The following KRT39 variants were observed in gnomAD, a reference collection of about 807,000 sequenced individuals.
The protein encoded by KRT39 is keratin, type I cytoskeletal 39.
A neutral mutation model predicts 54.8 loss-of-function variants in KRT39; 47 were observed. The observed-to-expected ratio is 0.86, with a 90% CI of 0.68 to 1.09. The LOEUF is 1.09. Ranked by LOEUF, KRT39 falls within the 50% of genes least tolerant of loss-of-function variation. KRT39 has a pLI of 0.00. For synonymous variants in KRT39, 207 were observed against 227.9 expected, an observed-to-expected ratio of 0.91 and a Z score of 0.83; for missense variants, 580 against 598.5, an observed-to-expected ratio of 0.97 and a Z score of 0.32.
At chr17:40,962,843 A>C (rs1911211592) in intron 3 of KRT39, among the ~76,000 whole-genome samples, 1 of 152,204 alleles carries the variant, frequency 6.6e-6, no homozygotes, top group Non-Finnish European at 1.5e-5. Context: ...TAATGGGTGA[A>C]ACAGGATAAA....
chr17:40,958,687 T>C lies in KRT39; in HGVS notation c.1390A>G (p.Ile464Val). Reference sequence around the variant, plus strand: ...TTCCCATCCTTAATCTCCTTGGTGATGGTGCAAATTTTAACCAGTATCCGG... The same window carrying C: ...TTCCCATCCTTAATCTCCTTGGTGACGGTGCAAATTTTAACCAGTATCCGG... ...LSRILVKICTITKEIKDGKVI... is the reference protein window; with the variant it reads ...LSRILVKICTVTKEIKDGKVI... Residue 464 changes from isoleucine (I) to valine (V), a missense_variant, in exon 7 of 7, where the codon ATC becomes GTC. By Grantham distance (29) the Ile-to-Val change is conservative. Transcript: ENST00000355612. The C allele has an allele frequency of 7.4e-6, 12 of 1,614,124 alleles. No individual in the cohort carries two copies. Among genetic ancestry groups the C allele is most frequent in the Non-Finnish European group, 9.3e-6 (11 of 1,180,004 alleles).
chr17:40,964,101 G>A (rs1259340913), intron 2 of KRT39: 3 of 414,496 alleles, frequency 7.2e-6, no homozygotes, highest in East Asian at 3.6e-5. Context: ...TCCAAGTTTC[G>A]GTTTTGACTT....
chr17:40,960,346 G>C lies in KRT39; in HGVS notation c.1152C>G (p.Asp384Glu). 3 of 1,614,040 alleles carry C rather than the reference G, an allele frequency of 1.9e-6. No individual in the cohort carries two copies. Among genetic ancestry groups the C allele is most frequent in the South Asian group, 2.2e-5 (2 of 91,060 alleles). The change falls in exon 6 of 7, where the codon GAC becomes GAG. Residue 384 changes from aspartate to glutamate, a missense_variant. Physicochemically the swap from Asp to Glu is conservative, Grantham distance 45. Coordinates refer to ENST00000355612, the MANE Select transcript of KRT39 (RefSeq NM_213656.4). Reference protein sequence around the residue: ...RQNQEYEILLDVKSRLECEIT... With the variant: ...RQNQEYEILLEVKSRLECEIT... ...TCTCACATTCCAGCCGGGACTTGAC[G>C]TCCAGCAGGATCTCGTATTCTTGGT...
chr17:40,960,309 G>A lies in KRT39; in HGVS notation c.1189C>T (p.Arg397Cys), dbSNP rs750423441. ...CCATCCGAGCTCTCCAGAAGGCTGC[G>A]GTATGTGGTAATCTCACATTCCAGC... ...SRLECEITTY[R>C]SLLESSDGKR... Residue 397 changes from arginine to cysteine, a missense_variant, in exon 6 of 7, where the codon CGC (arginine) becomes TGC (cysteine). Arg to Cys is a radical substitution (Grantham distance 180, BLOSUM62 -3). Coordinates refer to ENST00000355612, the MANE Select transcript of KRT39 (RefSeq NM_213656.4). The A allele has an allele frequency of 5.0e-6, 8 of 1,613,256 alleles. No individual in the cohort carries two copies. The highest frequency in any genetic ancestry group is 2.2e-5 in the East Asian group (1 of 44,888).
Position 40,964,546 on chromosome 17 carries a change from T to C in KRT39, c.469-18A>G, listed in dbSNP as rs761542802. 25 of 1,547,540 alleles carry C rather than the reference T, an allele frequency of 1.6e-5. No homozygotes were observed. Among genetic ancestry groups the C allele is most frequent in the Non-Finnish European group, 2.2e-5 (25 of 1,119,278 alleles). On this transcript the variant is annotated intron_variant, in intron 1 of 6. Coordinates refer to ENST00000355612, the MANE Select transcript of KRT39 (RefSeq NM_213656.4). ...CACAAGATCTAGAATTAAGAGATTG[T>C]ACACACAAATGAAGCAAACACCAAG...
At chr17:40,966,292 G>A in intron 1 of KRT39, 97 bp downstream of exon 1, 1 of 988,644 alleles carries the variant, frequency 1.0e-6, no homozygotes, top group Non-Finnish European at 1.5e-6. Context: ...AAAATTTTCA[G>A]CATCAACTGA....
At chr17:40,965,246 C>T (rs1030317368) in intron 1 of KRT39, among the ~76,000 whole-genome samples, 1 of 150,558 alleles carries the variant, frequency 6.6e-6, no homozygotes. Context: ...TGTGGTGGTG[C>T]GTGCCTGTAG....
In KRT39 at chr17:40,960,277, A is replaced by G. The variant is rs764862305; in HGVS notation, c.1217+4T>C. ...GTCATAGAAGTTGCTGTTATTTTAC[A>G]TACTTGCCATCCGAGCTCTCCAGAA... On this transcript the variant is annotated splice_donor_region_variant and intron_variant, in intron 6 of 6. Coordinates refer to ENST00000355612, the MANE Select transcript of KRT39 (RefSeq NM_213656.4). 3.1e-6 allele frequency: 5 copies of G among 1,610,016 alleles called. No individual in the cohort carries two copies. Among genetic ancestry groups the G allele is most frequent in the African/African-American group, 2.7e-5 (2 of 74,854 alleles).
rs1225912123 is a variant in KRT39, at chr17:40,960,443, G to A, written c.1055C>T (p.Thr352Ile). The A allele has an allele frequency of 6.2e-7, 1 of 1,613,904 alleles. No homozygotes were observed. Among genetic ancestry groups the A allele is most frequent in the African/African-American group, 1.3e-5 (1 of 74,864 alleles). Residue 352 changes from threonine (T) to isoleucine (I), a missense_variant, in exon 6 of 7, where the codon ACC becomes ATC. Transcript: ENST00000355612. ...ETEARYTALL[T>I]QIQSLIDNLE... ...GTTATCAATCAGACTCTGGATCTGG[G>A]TCAGCAAGGCCGTGTAGCGAGCCTC...
At chr17:40,964,679 C>A (rs1281864306) in intron 1 of KRT39, 151 bp from the exon 2 acceptor site, 1 of 588,060 alleles carries the variant, frequency 1.7e-6, no homozygotes, top group Non-Finnish European at 3.1e-6. Flanking sequence ...GCTTGGAAAA[C>A]TTCAGAAAGT....
chr17:40,965,221 C>G (rs1310480271), intron 1 of KRT39, among the ~76,000 whole-genome samples: 1 of 141,500 alleles, frequency 7.1e-6, no homozygotes, highest in Non-Finnish European at 1.5e-5. Context: ...AAAAAAAATA[C>G]AAAAATTATC....
At position 40,962,558 on chromosome 17, in the gene KRT39, G is replaced by T; in HGVS notation, c.714C>A (p.Ile238=). 6.2e-7 allele frequency: 1 copy of T among 1,610,578 alleles called. No individual in the cohort carries two copies. Among genetic ancestry groups the T allele is most frequent in the Non-Finnish European group, 8.5e-7 (1 of 1,179,010 alleles). ...LCLKNNHKEE[I]NSLQCQLGER... is the part of the protein sequence containing the mutation. ...CCCCAAGCTGACACTGTAAAGAATT[G>T]ATTTCCTAAGGAAAGAAAAAGACTG... Residue 238 remains isoleucine (I), a synonymous_variant, in exon 4 of 7, where the codon ATC becomes ATA. Transcript: ENST00000355612.
chr17:40,962,077 C>T (rs1224209997), intron 5 of KRT39, 85 bp downstream of exon 5: 4 of 1,502,340 alleles, frequency 2.7e-6, no homozygotes, highest in Non-Finnish European at 3.6e-6. Flanking sequence ...TTCTGAAAGA[C>T]ACAGTTTGGG....
chr17:40,966,347 A>G (rs1911394013), intron 1 of KRT39, 42 bp downstream of exon 1: 23 of 1,427,862 alleles, frequency 1.6e-5, no homozygotes, highest in Non-Finnish European at 2.2e-5. Context: ...CTTGGAAACC[A>G]TTAATTCACA....
Position 40,966,632 on chromosome 17 carries a change from G to A in KRT39, c.225C>T (p.Asn75=), listed in dbSNP as rs1911411265. The A allele has an allele frequency of 6.2e-7, 1 of 1,614,112 alleles. No homozygotes were observed. The highest frequency in any genetic ancestry group is 1.7e-5 in the Admixed American group (1 of 60,012). Residue 75 remains asparagine (N), a synonymous_variant, in exon 1 of 7, where the codon AAC becomes AAT. Transcript: ENST00000355612. Reference sequence around the variant, plus strand: ...CATCCAGAGAAAAACGGGCATTGAAGTTGTTCATTAGGTAGATGGGCTTGC... The same window carrying A: ...CATCCAGAGAAAAACGGGCATTGAAATTGTTCATTAGGTAGATGGGCTTGC... ...FCRKPIYLMN[N]FNARFSLDDC...
At chr17:40,963,341 G>A (rs941630298) in intron 3 of KRT39, among the ~76,000 whole-genome samples, 94 of 152,096 alleles carry the variant, frequency 6.2e-4, no homozygotes, top group African/African-American at 2.0e-3. Flanking sequence ...GTTTTATAAA[G>A]GGCTCTTCCC....
At chr17:40,961,363 A>G (rs1911145617) in intron 5 of KRT39, among the ~76,000 whole-genome samples, 1 of 152,144 alleles carries the variant, frequency 6.6e-6, no homozygotes, top group Admixed American at 6.5e-5. Context: ...TATTTGCATG[A>G]TTATCCCAAT....
At position 40,966,587 on chromosome 17, in the gene KRT39, T is replaced by G. The variant is rs1911409140; in HGVS notation, c.270A>C (p.Glu90Asp). ...TCTCCTTCTCATTACTGTTGATGCC[T>G]TCACCATACCAGCTGCAGTCATCCA... Reference protein sequence around the residue: ...FSLDDCSWYGEGINSNEKETM... With the variant: ...FSLDDCSWYGDGINSNEKETM... Residue 90 changes from glutamate to aspartate, a missense_variant, in exon 1 of 7, where the codon GAA becomes GAC. Glu to Asp is a conservative substitution (Grantham distance 45). Coordinates refer to ENST00000355612, the MANE Select transcript of KRT39 (RefSeq NM_213656.4). The G allele has an allele frequency of 6.2e-7, 1 of 1,614,090 alleles. No individual in the cohort carries two copies. Among genetic ancestry groups the G allele is most frequent in the Non-Finnish European group, 8.5e-7 (1 of 1,180,048 alleles).
At chr17:40,960,815 C>T (rs1200798367) in intron 5 of KRT39, 1 of 403,886 alleles carries the variant, frequency 2.5e-6, no homozygotes, top group Admixed American at 4.2e-5. Context: ...AAAATAATAA[C>T]TTAATGCACA....
Sources: allele counts gnomAD v4.1 joint callset (sites outside exome capture counted in the v4.1 genomes callset), GRCh38; gene constraint gnomAD v4.1.1; transcripts MANE v1.5; gene names NCBI Gene and HGNC (gene_info 2026-07-23, HGNC 2026-07-21).